The following INKA2 variants were observed in gnomAD, a reference collection of about 807,000 sequenced individuals.
INKA2 encodes the protein PAK4-inhibitor INKA2.
Under a neutral mutation model 9.8 loss-of-function variants are expected in INKA2, and 3 were observed. The ratio of observed to expected loss-of-function variants is 0.31; its 90% CI spans 0.14 to 0.79. The LOEUF (loss-of-function observed/expected upper bound fraction) is 0.79. Among genes scored for constraint, INKA2 ranks in the 30% least tolerant of loss-of-function variants. INKA2 has a pLI of 0.62. For synonymous variants in INKA2, 147 were observed against 143.3 expected (o/e 1.03, Z -0.18); for missense variants, 392 against 384.4 (o/e 1.02, Z -0.17).
Position 111,726,981 on chromosome 1 carries a change from G to A in INKA2, c.881C>T (p.Ala294Val), listed in dbSNP as rs757284319. The change falls in exon 2 of 2, where the codon GCT (alanine) becomes GTT (valine). Residue 294 changes from alanine (A) to valine (V), a missense_variant. Physicochemically the swap from Ala to Val is moderately conservative, Grantham distance 64. Transcript: ENST00000357260. The stretch of plus-strand genomic sequence containing the variant: ...TGTCTCTAGGATTCAGACCCAAACA[G>A]CTGTGTTAATATCAAATCCTGAGGG... ...HSPSGFDINT[A>V]VWV is the part of the protein sequence containing the mutation. 3.1e-6 allele frequency: 5 copies of A among 1,613,286 alleles called. No individual in the cohort carries two copies. Among genetic ancestry groups the A allele is most frequent in the Non-Finnish European group, 4.2e-6 (5 of 1,179,720 alleles).
At chr1:111,754,662 TA>T (rs1470174711) in intron 1 of INKA2, 3 of 152,206 alleles carry the variant, frequency 2.0e-5, no homozygotes, top group Admixed American at 2.0e-4. Context: ...CCCACACAAC[TA>T]AATTTGGAAT....
intron 1 of INKA2, among the ~76,000 whole-genome samples, chr1:111,738,035 C>T (rs1461317443): frequency 6.6e-6 from 1 of 152,212 alleles, no homozygotes; most frequent in Non-Finnish European, 1.5e-5. Context: ...CATAAGCTGG[C>T]CCTTTCTAGA....
Position 111,724,565 on chromosome 1 carries a change from G to GCACACACACACACACACACA in INKA2, c.*2383_*2402dup, listed in dbSNP as rs71714685. ...ACATGCAGTTTCTTAGCACGCGCAG[G>GCACACACACACACACACACA]CACACACACACACACACACACACAC... is the stretch of plus-strand genomic sequence containing the variant. On this transcript the variant is annotated 3_prime_UTR_variant, in exon 2 of 2. Coordinates refer to ENST00000357260, the MANE Select transcript of INKA2 (RefSeq NM_019099.5). The GCACACACACACACACACACA allele has an allele frequency of 6.9e-6, 1 of 144,426 alleles. No homozygotes were observed. The highest frequency in any genetic ancestry group is 2.5e-5 in the African/African-American group (1 of 39,238). 8.9% of individuals were successfully genotyped at this position (144,426 alleles called of 1,614,324 possible).
chr1:111,745,938 G>A (rs1206840715), intron 1 of INKA2: 1 of 152,234 alleles, frequency 6.6e-6, no homozygotes, highest in Non-Finnish European at 1.5e-5. Flanking sequence ...GGAAAGAAAA[G>A]CCACCTGCTT....
chr1:111,752,828 G>T (rs197384), intron 1 of INKA2, among the ~76,000 whole-genome samples: 22,690 of 151,838 alleles, frequency 0.15, 2,109 homozygotes, highest in African/African-American at 0.26. Context: ...CGAGTAGCTG[G>T]GACTACAGGT....
upstream of INKA2, among the ~76,000 whole-genome samples, chr1:111,740,971 TA>T (rs869221820): frequency 1.0e-4 from 4 of 38,404 alleles, 2 homozygotes; most frequent in Non-Finnish European, 2.0e-4. Context: ...AAACTCCGTT[TA>T]AAAAAAAAAA....
In INKA2 at chr1:111,723,292, T is replaced by C; in HGVS notation, c.*3676A>G. ...GGATGTGGAGAGGACAGAGCAACCT[T>C]CTTTGGGGCAAGTTTGGGTTCAGAG... On this transcript the variant is annotated 3_prime_UTR_variant, in exon 2 of 2. Transcript: ENST00000357260. 1 of 522,502 alleles carries C rather than the reference T, an allele frequency of 1.9e-6. No homozygotes were observed. Among genetic ancestry groups the C allele is most frequent in the Non-Finnish European group, 3.4e-6 (1 of 296,182 alleles). 32.4% of individuals were successfully genotyped at this position (522,502 alleles called of 1,614,324 possible). A position where few individuals can be genotyped will look rare whatever the true frequency, so the allele number is the denominator to read the frequency against.
chr1:111,746,619 A>G (rs891832451), intron 1 of INKA2: 8 of 152,236 alleles, frequency 5.3e-5, no homozygotes, highest in African/African-American at 1.9e-4. Context: ...ATGTGGCCTC[A>G]CAGAAAGACT....
upstream of INKA2, among the ~76,000 whole-genome samples, chr1:111,743,573 A>AC (rs1663191848): frequency 1.3e-5 from 2 of 152,098 alleles, no homozygotes; most frequent in Admixed American, 1.3e-4. Flanking sequence ...TAATGGAAAC[A>AC]CCACCATTCT....
At chr1:111,739,469 AG>A, upstream of INKA2, 1 of 1,392,864 alleles carries the variant, frequency 7.2e-7, no homozygotes, top group Non-Finnish European at 9.4e-7. Flanking sequence ...ATGAGAATTC[AG>A]GGGGGCTGTC....
In INKA2 at chr1:111,723,846, C is replaced by T. The variant is rs1662705913; in HGVS notation, c.*3122G>A. The T allele has an allele frequency of 6.6e-6, 1 of 152,344 alleles. No individual in the cohort carries two copies. The highest frequency in any genetic ancestry group is 1.5e-5 in the Non-Finnish European group (1 of 68,084). 9.4% of individuals were successfully genotyped at this position (152,344 alleles called of 1,614,324 possible). A position where few individuals can be genotyped will look rare whatever the true frequency, so the allele number is the denominator to read the frequency against. On this transcript the variant is annotated 3_prime_UTR_variant, in exon 2 of 2. Coordinates refer to ENST00000357260, the MANE Select transcript of INKA2 (RefSeq NM_019099.5). ...AAGTAAGTCTCCATCAGACAGTCAG[C>T]ATGCCATTTATGATCCACGCAGGAC... is the stretch of plus-strand genomic sequence containing the variant.
chr1:111,753,976 T>A (rs1663465616), intron 1 of INKA2: 1 of 152,148 alleles, frequency 6.6e-6, no homozygotes, highest in Non-Finnish European at 1.5e-5. Flanking sequence ...TTAAGAAAGA[T>A]CACTCCAGCA....
At position 111,739,294 on chromosome 1, in the gene INKA2, G is replaced by A. The variant is rs1383149376; in HGVS notation, c.-52C>T. ...ACAGAGAGGGCCCGGGTGAAACCCC[G>A]GCCCCACTGGAAACTGCGCTCCGGG... On this transcript the variant is annotated 5_prime_UTR_variant, in exon 1 of 2. Transcript: ENST00000357260. The A allele has an allele frequency of 1.9e-6, 3 of 1,609,412 alleles. No individual in the cohort carries two copies. Among genetic ancestry groups the A allele is most frequent in the South Asian group, 1.1e-5 (1 of 90,600 alleles).
At chr1:111,751,061 C>T (rs1450987910) in intron 1 of INKA2, among the ~76,000 whole-genome samples, 5 of 152,232 alleles carry the variant, frequency 3.3e-5, no homozygotes, top group Non-Finnish European at 5.9e-5. Flanking sequence ...GCCTGATGAA[C>T]GCCTTATTCA....
rs977886658 is a variant in INKA2, at chr1:111,726,326, T to G, written c.*642A>C. 1.9e-5 allele frequency: 7 copies of G among 363,494 alleles called. No homozygotes were observed. The highest frequency in any genetic ancestry group is 2.9e-5 in the Non-Finnish European group (6 of 204,730). 22.5% of individuals were successfully genotyped at this position (363,494 alleles called of 1,614,324 possible). On this transcript the variant is annotated 3_prime_UTR_variant, in exon 2 of 2. Transcript: ENST00000357260. ...GAGTGTCTAGGGCTTCCCTGGCTGC[T>G]CCTTACACACTGTACTCCTTATTCA...
chr1:111,746,348 C>T (rs1044658731), intron 1 of INKA2: 1 of 152,256 alleles, frequency 6.6e-6, no homozygotes, highest in Non-Finnish European at 1.5e-5. Flanking sequence ...AAGATGCATA[C>T]TGGAGAATAG....
In INKA2 at chr1:111,739,380, C is replaced by G. The variant is rs1571596810; in HGVS notation, c.-138G>C. The G allele has an allele frequency of 6.6e-7, 1 of 1,507,064 alleles. No individual in the cohort carries two copies. The highest frequency in any genetic ancestry group is 8.9e-7 in the Non-Finnish European group (1 of 1,127,730). The allele number at this position is 1,507,064 out of a possible 1,614,324, so 93.4% of individuals were successfully genotyped here. On this transcript the variant is annotated 5_prime_UTR_variant, in exon 1 of 2. Transcript: ENST00000357260. ...CGCGGAGCTGAGCCTGCGCTCCGAGCCCGGGACTCAGAGTCGCTTCCCCAG... is the reference window on the plus strand; with the variant it reads ...CGCGGAGCTGAGCCTGCGCTCCGAGGCCGGGACTCAGAGTCGCTTCCCCAG...
chr1:111,729,080 C>G (rs1662851062), intron 1 of INKA2, among the ~76,000 whole-genome samples: 1 of 152,064 alleles, frequency 6.6e-6, no homozygotes, highest in Admixed American at 6.5e-5. Flanking sequence ...GCACCCAGAG[C>G]TGGACTTTAA....
At chr1:111,753,293 C>A (rs891905622) in intron 1 of INKA2, 10 of 152,112 alleles carry the variant, frequency 6.6e-5, no homozygotes, top group African/African-American at 2.4e-4. Flanking sequence ...GTTATTTATC[C>A]CGGGGGAGGC....
Sources: gnomAD v4.1 joint callset for allele counts (sites outside exome capture counted in the v4.1 genomes callset) on GRCh38, gnomAD v4.1.1 for gene constraint, MANE v1.5 for transcripts, NCBI Gene and HGNC (gene_info 2026-07-23, HGNC 2026-07-21) for gene names.